The following TMEM178B variants were observed in gnomAD, a reference collection of about 807,000 sequenced individuals.
TMEM178B encodes the protein transmembrane protein 178B.
Under a neutral mutation model 31.0 loss-of-function variants are expected in TMEM178B, and 5 were observed. The observed-to-expected ratio is 0.16, with a 90% CI of 0.08 to 0.34. The LOEUF (loss-of-function observed/expected upper bound fraction) is 0.34. Among genes scored for constraint, TMEM178B ranks in the 10% least tolerant of loss-of-function variants. The pLI is 1.00. For missense variants in TMEM178B, 275 were observed against 400.3 expected, an observed-to-expected ratio of 0.69 and a Z score of 2.67; for synonymous variants, 164 against 164.0, an observed-to-expected ratio of 1.00 and a Z score of 0.00.
At chr7:141,503,329 A>C in the TMEM178B span, among the ~76,000 whole-genome samples, 1 of 152,212 alleles carries the variant, frequency 6.6e-6, no homozygotes, top group Admixed American at 6.5e-5. Flanking sequence ...AGCTTTCCCA[A>C]GGCCTCAACG....
intron 2 of TMEM178B, among the ~76,000 whole-genome samples, chr7:141,394,873 A>G (rs1004528382): frequency 1.3e-5 from 2 of 151,984 alleles, no homozygotes; most frequent in Admixed American, 6.6e-5. Context: ...TTGCCTCACT[A>G]CTCTGAATGT....
intron 1 of TMEM178B, among the ~76,000 whole-genome samples, chr7:141,109,896 G>T (rs1795206832): frequency 6.6e-6 from 1 of 152,020 alleles, no homozygotes; most frequent in South Asian, 2.1e-4. Context: ...AGCTATGATT[G>T]TGCCATGGCA....
chr7:141,401,736 A>T (rs935369746), intron 2 of TMEM178B, among the ~76,000 whole-genome samples: 1 of 152,258 alleles, frequency 6.6e-6, no homozygotes, highest in East Asian at 1.9e-4. Context: ...GACAGAAATC[A>T]TTTGTGTCTC....
the TMEM178B span, among the ~76,000 whole-genome samples, chr7:141,505,101 T>C: frequency 6.6e-6 from 1 of 152,238 alleles, no homozygotes; most frequent in African/African-American, 2.4e-5. Context: ...CTGGTTTTAT[T>C]GAAGATTTGT....
chr7:141,401,617 A>G (rs1323303233), intron 2 of TMEM178B, among the ~76,000 whole-genome samples: 1 of 151,846 alleles, frequency 6.6e-6, no homozygotes, highest in African/African-American at 2.4e-5. Flanking sequence ...AGATGGAGTT[A>G]CGGTATGTTG....
chr7:141,095,048 A>C (rs1418858050), intron 1 of TMEM178B, among the ~76,000 whole-genome samples: 1 of 152,220 alleles, frequency 6.6e-6, no homozygotes, highest in Non-Finnish European at 1.5e-5. Context: ...TCTTGGAAAA[A>C]AGAGTCTGGC....
intron 2 of TMEM178B, among the ~76,000 whole-genome samples, chr7:141,404,232 G>C (rs1416840904): frequency 6.6e-6 from 1 of 152,182 alleles, no homozygotes; most frequent in Non-Finnish European, 1.5e-5. Flanking sequence ...GTGAACCCAG[G>C]AAGCGGAGCT....
At position 141,212,664 on chromosome 7, in the gene TMEM178B, T is replaced by G. The variant is rs1490542064; in HGVS notation, c.456T>G (p.Asn152Lys). 6.5e-7 allele frequency: 1 copy of G among 1,536,094 alleles called. No individual in the cohort carries two copies. Among genetic ancestry groups the G allele is most frequent in the Non-Finnish European group, 8.7e-7 (1 of 1,146,890 alleles). The change falls in exon 2 of 4, where the codon AAT becomes AAG. Residue 152 changes from asparagine (N) to lysine (K), a missense_variant. Physicochemically the swap from Asn to Lys is moderately conservative, Grantham distance 94. Coordinates refer to ENST00000565468, the MANE Select transcript of TMEM178B (RefSeq NM_001195278.2). ...SATIPRNLTFNITKTIRQDEW... is the reference protein window; with the variant it reads ...SATIPRNLTFKITKTIRQDEW... ...CCATCCCCAGGAACCTCACTTTCAATATCACGAAGACCATCCGTCAGGATG... is the reference window on the plus strand; with the variant it reads ...CCATCCCCAGGAACCTCACTTTCAAGATCACGAAGACCATCCGTCAGGATG...
chr7:141,328,233 A>C (rs1285465523), intron 2 of TMEM178B, among the ~76,000 whole-genome samples: 1 of 152,176 alleles, frequency 6.6e-6, no homozygotes, highest in Non-Finnish European at 1.5e-5. Flanking sequence ...GGAATGACGG[A>C]GAGGAATGCC....
chr7:141,500,442 T>C, the TMEM178B span, among the ~76,000 whole-genome samples: 15,801 of 152,176 alleles, frequency 0.1, 2,501 homozygotes, highest in African/African-American at 0.34. Flanking sequence ...ACCTTTTTCT[T>C]AGGGCATATA....
chr7:141,188,019 T>C (rs929708742), intron 1 of TMEM178B, among the ~76,000 whole-genome samples: 2 of 152,214 alleles, frequency 1.3e-5, no homozygotes, highest in African/African-American at 2.4e-5. Context: ...TCCTTGCCCA[T>C]GCCTATGTCC....
At chr7:141,218,225 CT>C (rs1240945178) in intron 2 of TMEM178B, among the ~76,000 whole-genome samples, 1 of 152,082 alleles carries the variant, frequency 6.6e-6, no homozygotes, top group Non-Finnish European at 1.5e-5. Context: ...ACAGTGGATC[CT>C]TGCACACCTG....
At chr7:141,330,347 C>A (rs1480240947) in intron 2 of TMEM178B, among the ~76,000 whole-genome samples, 1 of 152,136 alleles carries the variant, frequency 6.6e-6, no homozygotes, top group African/African-American at 2.4e-5. Flanking sequence ...CATTGTTCAG[C>A]TCCCACTTAT....
At chr7:141,312,799 G>T (rs886075303) in intron 2 of TMEM178B, among the ~76,000 whole-genome samples, 1 of 152,208 alleles carries the variant, frequency 6.6e-6, no homozygotes, top group Non-Finnish European at 1.5e-5. Context: ...AAAGCAGGTG[G>T]AAGCCTTTCA....
intron 2 of TMEM178B, among the ~76,000 whole-genome samples, chr7:141,378,182 T>C (rs550478746): frequency 6.6e-6 from 1 of 152,304 alleles, no homozygotes; most frequent in Admixed American, 6.5e-5. Flanking sequence ...GTTTTTCTCA[T>C]AGTTAGACCG....
downstream of TMEM178B, among the ~76,000 whole-genome samples, chr7:141,481,315 C>A (rs920492721): frequency 6.6e-6 from 1 of 152,146 alleles, no homozygotes; most frequent in African/African-American, 2.4e-5. Flanking sequence ...GCCCTGCCTC[C>A]CACCAAGATG....
At chr7:141,427,829 T>C (rs1801348857) in intron 2 of TMEM178B, among the ~76,000 whole-genome samples, 1 of 152,136 alleles carries the variant, frequency 6.6e-6, no homozygotes. Context: ...ATCCAAAATA[T>C]ATAAGAAACT....
intron 3 of TMEM178B, among the ~76,000 whole-genome samples, chr7:141,458,621 T>C (rs79082016): frequency 6.8e-6 from 1 of 147,090 alleles, no homozygotes; most frequent in South Asian, 2.1e-4. Context: ...ACAGGAAACA[T>C]TTTTTTTTTG....
intron 2 of TMEM178B, among the ~76,000 whole-genome samples, chr7:141,378,901 C>T (rs758340401): frequency 4.0e-4 from 61 of 152,304 alleles, no homozygotes; most frequent in Non-Finnish European, 7.3e-4. Flanking sequence ...CCACTAGCCA[C>T]GAAACATTTC....
Sources: gnomAD v4.1 joint callset for allele counts (sites outside exome capture counted in the v4.1 genomes callset) on GRCh38, gnomAD v4.1.1 for gene constraint, MANE v1.5 for transcripts, NCBI Gene and HGNC (gene_info 2026-07-23, HGNC 2026-07-21) for gene names.